DGKB: variants seen among roughly 807,000 people sequenced by gnomAD.
The protein encoded by DGKB is diacylglycerol kinase beta.
DGKB carries 67 observed loss-of-function variants against 114.3 expected under a neutral mutation model. The observed-to-expected ratio is 0.59, with a 90% CI of 0.48 to 0.72. The LOEUF is 0.72. DGKB is among the 30% of genes least tolerant of loss of function. The pLI is 0.00. For missense variants in DGKB, 907 were observed against 975.2 expected (o/e 0.93, Z 0.93); for synonymous variants, 398 against 323.1 (o/e 1.23, Z -2.49).
intron 20 of DGKB, among the ~76,000 whole-genome samples, chr7:14,490,118 A>C (rs954674780): frequency 1.3e-5 from 2 of 152,130 alleles, no homozygotes; most frequent in African/African-American, 4.8e-5. Flanking sequence ...TTAGTGAGTC[A>C]ATGAGGTAAA....
chr7:14,521,867 A>G (rs1460639371), intron 20 of DGKB, among the ~76,000 whole-genome samples: 2 of 152,100 alleles, frequency 1.3e-5, no homozygotes, highest in African/African-American at 4.8e-5. Flanking sequence ...TATGCAACAT[A>G]ACAACTCTTG....
chr7:14,951,100 C>T (rs1786179105), intron 1 of DGKB, among the ~76,000 whole-genome samples: 2 of 150,522 alleles, frequency 1.3e-5, no homozygotes, highest in Non-Finnish European at 2.9e-5. Context: ...AGGTAACTTC[C>T]TCAGTCTGAT....
At chr7:14,890,997 A>G (rs894983096) in intron 1 of DGKB, among the ~76,000 whole-genome samples, 1 of 151,494 alleles carries the variant, frequency 6.6e-6, no homozygotes, top group Non-Finnish European at 1.5e-5. Flanking sequence ...ATTATTGAGT[A>G]TTATCTCCAG....
intron 1 of DGKB, among the ~76,000 whole-genome samples, chr7:14,946,045 A>G (rs1172389648): frequency 6.6e-6 from 1 of 151,294 alleles, no homozygotes; most frequent in East Asian, 1.9e-4. Context: ...TTAAACATCT[A>G]ATGTATTATT....
At chr7:14,575,634 T>A (rs1398526201) in intron 19 of DGKB, among the ~76,000 whole-genome samples, 3 of 152,222 alleles carry the variant, frequency 2.0e-5, no homozygotes, top group African/African-American at 7.2e-5. Context: ...AGTAATATTT[T>A]ACTACTGATG....
intron 21 of DGKB, among the ~76,000 whole-genome samples, chr7:14,408,884 A>T (rs549447101): frequency 6.6e-6 from 1 of 152,252 alleles, no homozygotes; most frequent in Admixed American, 6.6e-5. Flanking sequence ...ATATGGAAAA[A>T]CATGAAGAAA....
intron 2 of DGKB, among the ~76,000 whole-genome samples, chr7:14,779,176 T>C (rs7811862): frequency 0.18 from 27,757 of 152,038 alleles, 3,933 homozygotes; most frequent in African/African-American, 0.4. Context: ...AAATAAAATA[T>C]GAAAAGTTTG....
intron 2 of DGKB, among the ~76,000 whole-genome samples, chr7:14,818,402 C>A (rs1341996682): frequency 2.0e-5 from 3 of 152,124 alleles, no homozygotes. Context: ...GGAATGGCAG[C>A]CTGCAAACAT....
At chr7:14,469,377 A>AT (rs1282096225) in intron 21 of DGKB, among the ~76,000 whole-genome samples, 1 of 152,062 alleles carries the variant, frequency 6.6e-6, no homozygotes, top group Non-Finnish European at 1.5e-5. Flanking sequence ...CTTTATTAAT[A>AT]TTTTTTGTTA....
chr7:14,747,350 GC>G (rs769691783), intron 4 of DGKB, among the ~76,000 whole-genome samples: 10 of 141,134 alleles, frequency 7.1e-5, no homozygotes, highest in Non-Finnish European at 1.3e-4. Context: ...GTGCCACCAT[GC>G]CTGGCTAATA....
chr7:14,251,599 A>AT (rs1236321343), intron 23 of DGKB, among the ~76,000 whole-genome samples: 2 of 151,846 alleles, frequency 1.3e-5, no homozygotes, highest in Non-Finnish European at 2.9e-5. Context: ...AGGGAGTTTT[A>AT]TTTTTTACTT....
chr7:14,384,782 A>G (rs1820053805), intron 21 of DGKB, among the ~76,000 whole-genome samples: 1 of 152,140 alleles, frequency 6.6e-6, no homozygotes, highest in East Asian at 1.9e-4. Flanking sequence ...AGTTGTCACA[A>G]GTTGGGGTTG....
chr7:14,410,577 C>A (rs1346985289), intron 21 of DGKB, among the ~76,000 whole-genome samples: 5 of 151,998 alleles, frequency 3.3e-5, no homozygotes, highest in Admixed American at 3.3e-4. Flanking sequence ...TTGTATATGA[C>A]AAAAGGTATG....
At chr7:14,583,011 T>C (rs752051308) in intron 18 of DGKB, 41 bp downstream of exon 18, 3 of 1,270,562 alleles carry the variant, frequency 2.4e-6, no homozygotes, top group South Asian at 2.4e-5. Context: ...TTTAAAGCTA[T>C]TGCTCTCTCC....
At chr7:14,965,525 G>A (rs1787097924) in intron 1 of DGKB, among the ~76,000 whole-genome samples, 1 of 151,990 alleles carries the variant, frequency 6.6e-6, no homozygotes, top group Admixed American at 6.6e-5. Context: ...CCAAGTTTTA[G>A]AATATTAAAC....
chr7:14,152,711 A>G (rs1782403327), intron 25 of DGKB, among the ~76,000 whole-genome samples: 1 of 152,142 alleles, frequency 6.6e-6, no homozygotes, highest in African/African-American at 2.4e-5. Flanking sequence ...GGATGCACAT[A>G]TAGAAACCAG....
intron 23 of DGKB, among the ~76,000 whole-genome samples, chr7:14,312,413 C>A (rs535979065): frequency 6.6e-6 from 1 of 152,316 alleles, no homozygotes; most frequent in South Asian, 2.1e-4. Flanking sequence ...GGATCTTTAG[C>A]ATGAAACAAG....
chr7:14,432,549 A>G (rs1828619221), intron 21 of DGKB, among the ~76,000 whole-genome samples: 1 of 152,166 alleles, frequency 6.6e-6, no homozygotes, highest in Non-Finnish European at 1.5e-5. Flanking sequence ...CCCTCTCTAA[A>G]TAGTGACTGT....
intron 2 of DGKB, among the ~76,000 whole-genome samples, chr7:14,838,644 A>T (rs1285156814): frequency 6.6e-6 from 1 of 152,106 alleles, no homozygotes; most frequent in Non-Finnish European, 1.5e-5. Flanking sequence ...GTCGTCTTTC[A>T]TGATCTACGT....
Sources: gnomAD v4.1 joint callset for allele counts (sites outside exome capture counted in the v4.1 genomes callset) on GRCh38, gnomAD v4.1.1 for gene constraint, MANE v1.5 for transcripts, NCBI Gene and HGNC (gene_info 2026-07-23, HGNC 2026-07-21) for gene names.